Variants in RYR3 observed in about 807,000 individuals in gnomAD.
RYR3 encodes brain ryanodine receptor-calcium release channel.
A neutral mutation model predicts 584.3 loss-of-function variants in RYR3; 207 were observed. The observed-to-expected ratio is 0.35, with a 90% confidence interval of 0.32 to 0.40. The LOEUF is 0.40. Among genes scored for constraint, RYR3 ranks in the 10% least tolerant of loss-of-function variants. RYR3 has a pLI of 1.00. For missense variants in RYR3, 5,616 were observed against 6,089.2 expected (o/e 0.92, Z 2.59); for synonymous variants, 2,416 against 2,248.5 (o/e 1.07, Z -2.11).
chr15:33,575,986 A>G (rs1273843446), intron 12 of RYR3, among the ~76,000 whole-genome samples: 1 of 152,220 alleles, frequency 6.6e-6, no homozygotes, highest in Non-Finnish European at 1.5e-5. Context: ...AAACACCTCT[A>G]TGCAAATAAA....
At chr15:33,530,487 A>G (rs745462832) in intron 3 of RYR3, 105 bp from the exon 4 acceptor site, 2 of 771,000 alleles carry the variant, frequency 2.6e-6, no homozygotes, top group African/African-American at 1.7e-5. Context: ...GAGCTTTGCA[A>G]TGGGTCTTTT....
intron 2 of RYR3, among the ~76,000 whole-genome samples, chr15:33,488,449 C>CTTTT (rs72098093): frequency 2.4e-5 from 3 of 127,502 alleles, no homozygotes; most frequent in Non-Finnish European, 3.3e-5. Context: ...ACAGTCTTGC[C>CTTTT]TTTTTTTTTT....
chr15:33,409,804 G>A (rs903288158), intron 1 of RYR3, among the ~76,000 whole-genome samples: 1 of 152,254 alleles, frequency 6.6e-6, no homozygotes. Flanking sequence ...TCTTAGAGGG[G>A]ATCAAGAACT....
At chr15:33,598,452 G>A (rs569403275) in intron 16 of RYR3, among the ~76,000 whole-genome samples, 7 of 151,838 alleles carry the variant, frequency 4.6e-5, no homozygotes, top group Non-Finnish European at 2.9e-5. Flanking sequence ...AACTAACAAC[G>A]ATCACACAAA....
At chr15:33,377,187 A>G (rs2040814588) in intron 1 of RYR3, among the ~76,000 whole-genome samples, 1 of 152,232 alleles carries the variant, frequency 6.6e-6, no homozygotes, top group South Asian at 2.1e-4. Context: ...AGGCTATGCC[A>G]TGGTTACAAA....
At chr15:33,606,127 T>C (rs1185022101) in intron 18 of RYR3, among the ~76,000 whole-genome samples, 1 of 152,234 alleles carries the variant, frequency 6.6e-6, no homozygotes, top group African/African-American at 2.4e-5. Flanking sequence ...GAGTTACGCC[T>C]GGGTTTGAGT....
chr15:33,493,845 G>A (rs1442935734), intron 2 of RYR3, among the ~76,000 whole-genome samples: 1 of 152,178 alleles, frequency 6.6e-6, no homozygotes, highest in East Asian at 1.9e-4. Context: ...CTCTTTAAGA[G>A]GCTGAGGCGG....
At position 33,587,137 on chromosome 15, in the gene RYR3, G is replaced by A. The variant is rs567696059; in HGVS notation, c.1788+1021G>A. On this transcript the variant is annotated intron_variant, in intron 16 of 103. Transcript: ENST00000634891. ...CAGAAAGCCATGGTCCTTAGCATGTGGGAAATTGTTTGACAAATAATAAAA... is the reference window on the plus strand; with the variant it reads ...CAGAAAGCCATGGTCCTTAGCATGTAGGAAATTGTTTGACAAATAATAAAA... Among the ~76,000 whole-genome samples the A allele has an allele frequency of 5.3e-5, 8 of 152,262 alleles. No homozygotes were observed. The East Asian group carries it at 9.7e-4, about 18-fold the overall frequency.
rs1026384892 is a variant in RYR3 at position 33,468,849 on chromosome 15, T to G, written c.52-4570T>G. Among the ~76,000 whole-genome samples the G allele has an allele frequency of 7.9e-5, 12 of 152,208 alleles. 1 individual carries two copies. The highest frequency in any genetic ancestry group is 1.2e-4 in the Non-Finnish European group (8 of 68,038). Reference sequence around the variant, plus strand: ...GTCAGCTGGAAGTAGTGGTAGCAAGTGCATCAATATAGGCTGCCTGGATTA... The same window carrying G: ...GTCAGCTGGAAGTAGTGGTAGCAAGGGCATCAATATAGGCTGCCTGGATTA... On this transcript the variant is annotated intron_variant, in intron 1 of 103. Coordinates refer to ENST00000634891, the MANE Select transcript of RYR3 (RefSeq NM_001036.6).
intron 2 of RYR3, among the ~76,000 whole-genome samples, chr15:33,485,396 T>G (rs530237323): frequency 6.6e-6 from 1 of 152,282 alleles, no homozygotes; most frequent in East Asian, 1.9e-4. Context: ...GACTTCAGAA[T>G]GTTTAAATGC....
chr15:33,861,214 G>A (rs2153018396), intron 102 of RYR3, 36 bp downstream of exon 102: 1 of 1,490,140 alleles, frequency 6.7e-7, no homozygotes, highest in Non-Finnish European at 9.2e-7. Context: ...AATGGCAGCT[G>A]TAGCGTAAAT....
chr15:33,693,750 G>A (rs1186056214), intron 38 of RYR3, among the ~76,000 whole-genome samples: 1 of 152,240 alleles, frequency 6.6e-6, no homozygotes, highest in African/African-American at 2.4e-5. Flanking sequence ...CATAGTTGAA[G>A]TTATGAAGAA....
Position 33,773,015 on chromosome 15 carries a change from T to C in RYR3, c.9056-519T>C, listed in dbSNP as rs1170493148. ...AACATGATAAAATCATACTATTGAA[T>C]TGCCTTTTGCAGAACACCCAGCAGA... On this transcript the variant is annotated intron_variant, in intron 63 of 103. Coordinates refer to ENST00000634891, the MANE Select transcript of RYR3 (RefSeq NM_001036.6). Among the ~76,000 whole-genome samples, 75 of 152,306 alleles carry C rather than the reference T, an allele frequency of 4.9e-4. 1 individual carries two copies. Among genetic ancestry groups the C allele is most frequent in the Non-Finnish European group, 1.5e-5 (1 of 68,016 alleles).
intron 5 of RYR3, among the ~76,000 whole-genome samples, chr15:33,536,929 A>T (rs2055381445): frequency 6.6e-6 from 1 of 152,248 alleles, no homozygotes; most frequent in African/African-American, 2.4e-5. Flanking sequence ...TTAACTGTGG[A>T]TGTCCTGATA....
intron 1 of RYR3, among the ~76,000 whole-genome samples, chr15:33,376,346 A>G (rs981927691): frequency 1.3e-5 from 2 of 152,344 alleles, no homozygotes; most frequent in South Asian, 4.1e-4. Flanking sequence ...TGAATATCCA[A>G]CAACTTGCTT....
intron 93 of RYR3, 78 bp downstream of exon 93, chr15:33,845,140 C>T (rs2078636314): frequency 1.4e-6 from 2 of 1,476,522 alleles, no homozygotes; most frequent in African/African-American, 2.8e-5. Context: ...CAGCCCTTTG[C>T]TCTAAGACTT....
chr15:33,357,922 G>T (rs1974209632), intron 1 of RYR3, among the ~76,000 whole-genome samples: 1 of 152,238 alleles, frequency 6.6e-6, no homozygotes, highest in Non-Finnish European at 1.5e-5. Context: ...AACTTTACTA[G>T]AAGGAGGGCT....
At chr15:33,707,323 ATC>A (rs1163790054) in intron 43 of RYR3, among the ~76,000 whole-genome samples, 3 of 152,150 alleles carry the variant, frequency 2.0e-5, no homozygotes, top group African/African-American at 7.2e-5. Flanking sequence ...CAGAGAGGTC[ATC>A]TCTCTGCACT....
Position 33,745,926 on chromosome 15 carries a change from A to G in RYR3, c.7900-142A>G, listed in dbSNP as rs2070657475. ...AGAGCCTGATGGCCTGAAAAGATCAATTAGGCATTTTTGAGGAGAATTTCT... is the reference window on the plus strand; with the variant it reads ...AGAGCCTGATGGCCTGAAAAGATCAGTTAGGCATTTTTGAGGAGAATTTCT... On this transcript the variant is annotated intron_variant, in intron 52 of 103. Transcript: ENST00000634891. The G allele has an allele frequency of 1.7e-5, 11 of 659,846 alleles. No individual in the cohort carries two copies. In the East Asian group the frequency reaches 2.7e-4, roughly 16 times the overall value. 40.9% of individuals were successfully genotyped at this position (659,846 alleles called of 1,614,324 possible). A position where few individuals can be genotyped will look rare whatever the true frequency, so the allele number is the denominator to read the frequency against.
Sources: gnomAD v4.1 joint callset for allele counts (sites outside exome capture counted in the v4.1 genomes callset) on GRCh38, gnomAD v4.1.1 for gene constraint, MANE v1.5 for transcripts, NCBI Gene and HGNC (gene_info 2026-07-23, HGNC 2026-07-21) for gene names.